SLC13A1: variants seen among roughly 807,000 people sequenced by gnomAD.
The protein encoded by SLC13A1 is Na(+)/sulfate cotransporter.
A neutral mutation model predicts 70.0 loss-of-function variants in SLC13A1; 65 were observed. That is an observed-to-expected ratio of 0.93 (90% CI 0.76 to 1.14). The LOEUF (loss-of-function observed/expected upper bound fraction) is 1.14, where lower values mean the gene tolerates loss of function less well. SLC13A1 is among the 50% of genes most tolerant of loss of function. SLC13A1 has a pLI of 0.00. For missense variants in SLC13A1, 726 were observed against 717.8 expected (o/e 1.01, Z -0.13); for synonymous variants, 275 against 250.5 (o/e 1.10, Z -0.92).
chr7:123,149,688 A>G (rs1373350929), intron 6 of SLC13A1: 1 of 448,740 alleles, frequency 2.2e-6, no homozygotes, highest in Non-Finnish European at 4.5e-6. Flanking sequence ...GGGTAGAAAG[A>G]GTATCATTTT....
intron 6 of SLC13A1, among the ~76,000 whole-genome samples, chr7:123,160,831 C>A (rs961065681): frequency 1.3e-5 from 2 of 151,842 alleles, no homozygotes; most frequent in African/African-American, 4.8e-5. Context: ...TTCTAAGCAT[C>A]TTTTGAGTGA....
chr7:123,119,747 T>C (rs1257372221), intron 12 of SLC13A1, among the ~76,000 whole-genome samples: 2 of 151,844 alleles, frequency 1.3e-5, no homozygotes, highest in African/African-American at 2.4e-5. Flanking sequence ...TTCTAATATG[T>C]TACATGATAA....
intron 7 of SLC13A1, among the ~76,000 whole-genome samples, chr7:123,139,960 T>G (rs1046703963): frequency 7.9e-5 from 12 of 152,214 alleles, no homozygotes; most frequent in Middle Eastern, 3.4e-3. Context: ...TGAATAACAG[T>G]GTTGAAAGTG....
rs1242957091 is a variant in SLC13A1, at chr7:123,169,144, A to T, written c.553+4T>A. On this transcript the variant is annotated splice_donor_region_variant and intron_variant, in intron 4 of 14. Transcript: ENST00000194130. ...CCCAGATTGGCCATATCAACATGTG[A>T]TACCATCAATTTCTAGTCCGTGGTT... is the stretch of plus-strand genomic sequence containing the variant. The T allele has an allele frequency of 1.2e-6, 2 of 1,613,654 alleles. No homozygotes were observed. The highest frequency in any genetic ancestry group is 1.7e-6 in the Non-Finnish European group (2 of 1,179,740).
At chr7:123,143,826 C>A (rs1315580654) in intron 7 of SLC13A1, among the ~76,000 whole-genome samples, 2 of 152,124 alleles carry the variant, frequency 1.3e-5, no homozygotes, top group African/African-American at 4.8e-5. Context: ...TCTTCCTGAA[C>A]TGTTGACCCA....
intron 7 of SLC13A1, among the ~76,000 whole-genome samples, chr7:123,138,134 A>C (rs1022521837): frequency 6.6e-6 from 1 of 152,022 alleles, no homozygotes; most frequent in African/African-American, 2.4e-5. Flanking sequence ...CATTTGTTTT[A>C]ATTTTAGATC....
intron 6 of SLC13A1, among the ~76,000 whole-genome samples, chr7:123,151,460 T>C (rs1328430742): frequency 6.6e-6 from 1 of 151,946 alleles, no homozygotes; most frequent in East Asian, 1.9e-4. Flanking sequence ...GGACCAAGGC[T>C]ATTACTTCTT....
In SLC13A1 at chr7:123,140,965, T is replaced by C. The variant is rs531232094; in HGVS notation, c.812+6194A>G. Among the ~76,000 whole-genome samples, 8 of 152,206 alleles carry C rather than the reference T, an allele frequency of 5.3e-5. No individual in the cohort carries two copies. The East Asian group carries it at 1.3e-3, about 26-fold the overall frequency. ...TCTTCTACTAACTTTGGGTTTGGTT[T>C]GCTCTTGCTTTTCTCATTCTTTAAG... On this transcript the variant is annotated intron_variant, in intron 7 of 14. Coordinates refer to ENST00000194130, the MANE Select transcript of SLC13A1 (RefSeq NM_022444.4).
intron 1 of SLC13A1, among the ~76,000 whole-genome samples, chr7:123,194,748 G>A (rs1796122015): frequency 6.6e-6 from 1 of 152,048 alleles, no homozygotes; most frequent in African/African-American, 2.4e-5. Flanking sequence ...ATGGGGGCTT[G>A]TGGATATTTG....
intron 12 of SLC13A1, among the ~76,000 whole-genome samples, chr7:123,121,621 T>C (rs547160916): frequency 6.6e-6 from 1 of 152,066 alleles, no homozygotes; most frequent in Non-Finnish European, 1.5e-5. Context: ...GTATGAAAAT[T>C]GAAGAGGAGA....
intron 6 of SLC13A1, 21 bp from the exon 7 acceptor site, chr7:123,147,331 A>C: frequency 6.2e-7 from 1 of 1,611,442 alleles, no homozygotes; most frequent in Non-Finnish European, 8.5e-7. Context: ...ACAACAAAAA[A>C]CTACCATGAG....
intron 1 of SLC13A1, 106 bp from the exon 2 acceptor site, chr7:123,181,207 A>G: frequency 8.0e-7 from 1 of 1,257,438 alleles, no homozygotes; most frequent in Non-Finnish European, 1.1e-6. Context: ...AGAGAACGTA[A>G]GAAGATCTGA....
At position 123,119,088 on chromosome 7, in the gene SLC13A1, G is replaced by T. The variant is rs139357828; in HGVS notation, c.1505C>A (p.Ser502Tyr). The T allele has an allele frequency of 3.1e-6, 5 of 1,611,392 alleles. No homozygotes were observed. In the African/African-American group the frequency reaches 6.7e-5, roughly 22 times the overall value. ...GATAAATGAGATACTCACCAATGGA[G>T]ATAATATTGGGAGAAAGAGTGTAAT... ...ATITLFLPIL[S>Y]PLAEAIHVNP... Residue 502 changes from serine to tyrosine, a missense_variant, in exon 13 of 15, where the codon TCT becomes TAT. Coordinates refer to ENST00000194130, the MANE Select transcript of SLC13A1 (RefSeq NM_022444.4).
chr7:123,140,961 G>T (rs1025487773), intron 7 of SLC13A1, among the ~76,000 whole-genome samples: 2 of 151,600 alleles, frequency 1.3e-5, no homozygotes, highest in Non-Finnish European at 2.9e-5. Flanking sequence ...CTTTGGGTTT[G>T]GTTTGCTCTT....
intron 8 of SLC13A1, among the ~76,000 whole-genome samples, chr7:123,132,676 C>T (rs1409547890): frequency 6.6e-6 from 1 of 152,174 alleles, no homozygotes; most frequent in Admixed American, 6.5e-5. Context: ...TGGCTTCAGT[C>T]TCTCTGGTTT....
Position 123,129,403 on chromosome 7 carries a change from G to A in SLC13A1, c.1011C>T (p.Tyr337=), listed in dbSNP as rs1793679988. Residue 337 remains tyrosine, a synonymous_variant, in exon 9 of 15, where the codon TAC becomes TAT. Coordinates refer to ENST00000194130, the MANE Select transcript of SLC13A1 (RefSeq NM_022444.4). ...CTTACCTTATTGGCCCAAGCTTTTG[G>A]TATTCTTGCTTAATCACCTCAGCAC... ...KACAEVIKQE[Y]QKLGPIRYQE... The A allele has an allele frequency of 2.5e-6, 4 of 1,588,320 alleles. No homozygotes were observed. The highest frequency in any genetic ancestry group is 3.4e-6 in the Non-Finnish European group (4 of 1,168,938).
In SLC13A1 at chr7:123,114,382, C is replaced by T. The variant is rs1049274477; in HGVS notation, c.*1136G>A. 13 of 152,096 alleles carry T rather than the reference C, an allele frequency of 8.5e-5. No homozygotes were observed. The highest frequency in any genetic ancestry group is 1.5e-4 in the Non-Finnish European group (10 of 67,988). The allele number at this position is 152,096 out of a possible 1,614,324, so 9.4% of individuals were successfully genotyped here. ...GGGTAATTGGAAACTCATTCTTTTT[C>T]GCATCCTCACTTCTAGAAGACTATT... On this transcript the variant is annotated 3_prime_UTR_variant, in exon 15 of 15. Coordinates refer to ENST00000194130, the MANE Select transcript of SLC13A1 (RefSeq NM_022444.4).
intron 1 of SLC13A1, among the ~76,000 whole-genome samples, chr7:123,182,827 T>G (rs1795682269): frequency 6.6e-6 from 1 of 152,088 alleles, no homozygotes; most frequent in Non-Finnish European, 1.5e-5. Flanking sequence ...CTTCCATATT[T>G]TAAGTGGCTC....
chr7:123,181,251 T>C (rs944693775), intron 1 of SLC13A1, 150 bp from the exon 2 acceptor site: 1 of 743,002 alleles, frequency 1.3e-6, no homozygotes, highest in Non-Finnish European at 2.0e-6. Flanking sequence ...CCTCAAATAC[T>C]CATTTCTTAG....
Sources: gnomAD v4.1 joint callset for allele counts (sites outside exome capture counted in the v4.1 genomes callset) on GRCh38, gnomAD v4.1.1 for gene constraint, MANE v1.5 for transcripts, NCBI Gene and HGNC (gene_info 2026-07-23, HGNC 2026-07-21) for gene names.